The following STOML3 variants were observed in gnomAD, a reference collection of about 807,000 sequenced individuals.
STOML3 encodes the protein stomatin-like protein 3.
A neutral mutation model predicts 29.5 loss-of-function variants in STOML3; 31 were observed. That is an observed-to-expected ratio of 1.05 (90% CI 0.79 to 1.42). The LOEUF is 1.42. Among genes scored for constraint, STOML3 ranks in the 40% most tolerant of loss-of-function variants. STOML3 has a pLI of 0.00. For synonymous variants in STOML3, 122 were observed against 139.8 expected (o/e 0.87, Z 0.90); for missense variants, 380 against 363.0 (o/e 1.05, Z -0.38).
intron 1 of STOML3, among the ~76,000 whole-genome samples, chr13:38,982,497 G>C (rs145336464): frequency 3.2e-4 from 48 of 152,092 alleles, no homozygotes; most frequent in African/African-American, 1.2e-3. Context: ...AAAGAAAATA[G>C]CACCCCTATC....
chr13:38,981,130 C>A (rs17058909), intron 1 of STOML3, among the ~76,000 whole-genome samples: 5 of 152,128 alleles, frequency 3.3e-5, no homozygotes, highest in Admixed American at 6.5e-5. Flanking sequence ...AAAGCCAACT[C>A]TTCATCTTGC....
At chr13:38,979,930 A>T in intron 1 of STOML3, 1 of 942,506 alleles carries the variant, frequency 1.1e-6, no homozygotes, top group Admixed American at 2.0e-5. Flanking sequence ...GGCAGCTGGG[A>T]CTCCAACAGG....
intron 1 of STOML3, among the ~76,000 whole-genome samples, chr13:38,979,864 G>T (rs1881213024): frequency 6.6e-6 from 1 of 152,128 alleles, no homozygotes; most frequent in Admixed American, 6.6e-5. Flanking sequence ...TGAAATATTT[G>T]GTGTTCAGAA....
At chr13:38,967,960 A>G in intron 6 of STOML3, among the ~76,000 whole-genome samples, 1 of 152,100 alleles carries the variant, frequency 6.6e-6, no homozygotes, top group Non-Finnish European at 1.5e-5. Flanking sequence ...TTAATATACA[A>G]GAACAACAAT....
At chr13:38,989,140 A>G (rs1185042950) in intron 1 of STOML3, among the ~76,000 whole-genome samples, 1 of 151,696 alleles carries the variant, frequency 6.6e-6, no homozygotes, top group East Asian at 1.9e-4. Flanking sequence ...TCTCCTAAAA[A>G]ACTACAAAAG....
In STOML3 at chr13:38,967,828, C is replaced by T. The variant is rs75752219; in HGVS notation, c.651+572G>A. ...ATTTCTGATACTTCAGGAAAGTTAT[C>T]CACACAGGCATGAAAGTCAGAATCT... On this transcript the variant is annotated intron_variant, in intron 6 of 6. Transcript: ENST00000379631. 2.7e-3 allele frequency among the ~76,000 whole-genome samples: 409 copies of T among 152,306 alleles called. 6 individuals are homozygous for T. The East Asian group carries it at 0.045, about 17-fold the overall frequency.
At chr13:38,986,779 T>C (rs543924047) in intron 1 of STOML3, among the ~76,000 whole-genome samples, 1 of 152,288 alleles carries the variant, frequency 6.6e-6, no homozygotes, top group East Asian at 1.9e-4. Context: ...CTACTCAAAA[T>C]GCTCTCTTAG....
At chr13:38,986,032 C>T (rs1316981984) in intron 1 of STOML3, among the ~76,000 whole-genome samples, 1 of 108,438 alleles carries the variant, frequency 9.2e-6, no homozygotes, top group Non-Finnish European at 1.8e-5. Context: ...ACATATTTAC[C>T]TGGTTTTTTT....
chr13:38,976,013 GT>G (rs1447061273), intron 3 of STOML3, among the ~76,000 whole-genome samples: 4 of 152,122 alleles, frequency 2.6e-5, no homozygotes, highest in Admixed American at 2.6e-4. Flanking sequence ...CATGTTCTTT[GT>G]TTTCAAAACC....
chr13:38,983,913 A>G (rs1881351690), intron 1 of STOML3, among the ~76,000 whole-genome samples: 1 of 152,178 alleles, frequency 6.6e-6, no homozygotes. Flanking sequence ...AAAAGGTGTA[A>G]AAATAATGCA....
intron 1 of STOML3, among the ~76,000 whole-genome samples, chr13:38,986,021 G>T (rs1340193198): frequency 2.3e-5 from 2 of 87,780 alleles, no homozygotes; most frequent in Non-Finnish European, 4.4e-5. Flanking sequence ...AGTTTTCTTT[G>T]ACATATTTAC....
At chr13:38,976,400 T>C in intron 3 of STOML3, 140 bp downstream of exon 3, 1 of 871,472 alleles carries the variant, frequency 1.1e-6, no homozygotes, top group Non-Finnish European at 1.8e-6. Flanking sequence ...ATTCTTCTGT[T>C]GTACCAAAAG....
chr13:38,970,745 G>A (rs1476226658), intron 4 of STOML3, among the ~76,000 whole-genome samples: 1 of 152,130 alleles, frequency 6.6e-6, no homozygotes, highest in African/African-American at 2.4e-5. Flanking sequence ...TAGAACACTT[G>A]TTTCCCTGAT....
At chr13:38,971,766 A>G (rs1268623726) in intron 4 of STOML3, among the ~76,000 whole-genome samples, 1 of 152,100 alleles carries the variant, frequency 6.6e-6, no homozygotes, top group African/African-American at 2.4e-5. Context: ...CTCCACTAAA[A>G]ATACAAAAAT....
intron 3 of STOML3, 83 bp downstream of exon 3, chr13:38,976,457 A>G: frequency 6.6e-7 from 1 of 1,507,138 alleles, no homozygotes; most frequent in South Asian, 1.2e-5. Flanking sequence ...CTCAATAGGC[A>G]CCACCAGGAA....
intron 6 of STOML3, among the ~76,000 whole-genome samples, chr13:38,967,972 C>T (rs7981198): frequency 0.27 from 41,197 of 151,450 alleles, 5,902 homozygotes; most frequent in Middle Eastern, 0.44. Context: ...AACAACAATG[C>T]GCAAAAGACA....
At chr13:38,972,441 A>C (rs1164321142) in intron 4 of STOML3, 71 bp downstream of exon 4, 1 of 1,471,738 alleles carries the variant, frequency 6.8e-7, no homozygotes, top group Non-Finnish European at 9.4e-7. Flanking sequence ...TGAACTATAA[A>C]ATTGTAATTG....
At chr13:38,988,629 TTATATTTTATATCA>T (rs1868841954) in intron 1 of STOML3, among the ~76,000 whole-genome samples, 1 of 120,142 alleles carries the variant, frequency 8.3e-6, no homozygotes, top group African/African-American at 3.5e-5. Context: ...ATATAATATA[TTATATTTTATATCA>T]TATATTTTAT....
chr13:38,985,653 A>G (rs1313558858), intron 1 of STOML3, among the ~76,000 whole-genome samples: 1 of 152,102 alleles, frequency 6.6e-6, no homozygotes, highest in Non-Finnish European at 1.5e-5. Context: ...CACCCTGAAA[A>G]TATAACAATG....
Sources: allele counts gnomAD v4.1 joint callset (sites outside exome capture counted in the v4.1 genomes callset), GRCh38; gene constraint gnomAD v4.1.1; transcripts MANE v1.5; gene names NCBI Gene and HGNC (gene_info 2026-07-23, HGNC 2026-07-21).